Variants in GLIS1 observed in about 807,000 individuals in gnomAD.
The protein encoded by GLIS1 is GLIS family zinc finger 1.
GLIS1 carries 24 observed loss-of-function variants against 63.8 expected under a neutral mutation model. The observed-to-expected ratio is 0.38, with a 90% CI of 0.27 to 0.53. The LOEUF (loss-of-function observed/expected upper bound fraction) is 0.53, where lower values mean the gene tolerates loss of function less well. GLIS1 is among the 20% of genes least tolerant of loss of function. GLIS1 has a pLI of 0.85. For missense variants in GLIS1, 1,036 were observed against 1,074.1 expected, an observed-to-expected ratio of 0.96 and a Z score of 0.50; for synonymous variants, 450 against 482.5, an observed-to-expected ratio of 0.93 and a Z score of 0.88.
At chr1:53,656,575 T>C (rs1215838010) in intron 2 of GLIS1, among the ~76,000 whole-genome samples, 1 of 152,110 alleles carries the variant, frequency 6.6e-6, no homozygotes, top group Admixed American at 6.5e-5. Context: ...GAAGAACACA[T>C]CTTATAGACT....
rs142148969 is a variant in GLIS1 at position 53,635,364 on chromosome 1, G to A, written c.260-35086C>T. Among the ~76,000 whole-genome samples the A allele has an allele frequency of 2.6e-3, 395 of 151,786 alleles. 3 individuals carry two copies. The highest frequency in any genetic ancestry group is 9.0e-3 in the African/African-American group (372 of 41,382). On this transcript the variant is annotated intron_variant, in intron 2 of 10. Coordinates refer to ENST00000628545, the MANE Select transcript of GLIS1 (RefSeq NM_001367484.1). ...AAATTAAGAAACATGGCCTACAACCGGAATCAAAAACATAACGGAAATTTA... is the reference window on the plus strand; with the variant it reads ...AAATTAAGAAACATGGCCTACAACCAGAATCAAAAACATAACGGAAATTTA...
At chr1:53,733,192 G>C (rs1332795250) in intron 2 of GLIS1, among the ~76,000 whole-genome samples, 6 of 152,142 alleles carry the variant, frequency 3.9e-5, no homozygotes, top group Admixed American at 2.0e-4. Context: ...CCTGTAATGG[G>C]ATTTTAACGC....
intron 6 of GLIS1, among the ~76,000 whole-genome samples, chr1:53,524,033 C>T (rs1254234388): frequency 1.3e-5 from 2 of 152,238 alleles, no homozygotes; most frequent in Non-Finnish European, 2.9e-5. Context: ...TGAACACATA[C>T]ACCAATTTCT....
chr1:53,561,871 C>T (rs976539483), intron 4 of GLIS1, among the ~76,000 whole-genome samples: 4 of 152,224 alleles, frequency 2.6e-5, no homozygotes, highest in African/African-American at 9.6e-5. Context: ...CCCCTCACCA[C>T]GCACCTAGAG....
intron 2 of GLIS1, among the ~76,000 whole-genome samples, chr1:53,640,977 G>A (rs914582938): frequency 5.3e-5 from 8 of 152,130 alleles, no homozygotes; most frequent in East Asian, 1.9e-4. Flanking sequence ...GAACAGAACC[G>A]GGGACTTCAA....
chr1:53,663,764 G>C (rs1188427977), intron 2 of GLIS1, among the ~76,000 whole-genome samples: 1 of 152,180 alleles, frequency 6.6e-6, no homozygotes, highest in East Asian at 1.9e-4. Context: ...TCTCTCTCGG[G>C]GTCAGGACAA....
chr1:53,548,121 C>T lies in GLIS1; in HGVS notation c.1321-18169G>A, dbSNP rs533781744. Among the ~76,000 whole-genome samples, 180 of 152,344 alleles carry T rather than the reference C, an allele frequency of 1.2e-3. 2 individuals carry two copies. The highest frequency in any genetic ancestry group is 4.2e-3 in the African/African-American group (176 of 41,584). Reference sequence around the variant, plus strand: ...TCTGCTGAGTGCAGGCTGAATGTCTCCCCTCCAGCTGCCGCACTCCATGGG... The same window carrying T: ...TCTGCTGAGTGCAGGCTGAATGTCTTCCCTCCAGCTGCCGCACTCCATGGG... On this transcript the variant is annotated intron_variant, in intron 4 of 10. Transcript: ENST00000628545.
At position 53,594,998 on chromosome 1, in the gene GLIS1, A is replaced by C; in HGVS notation, c.438-8T>G. On this transcript the variant is annotated splice_polypyrimidine_tract_variant and splice_region_variant and intron_variant, in intron 3 of 10. Coordinates refer to ENST00000628545, the MANE Select transcript of GLIS1 (RefSeq NM_001367484.1). Reference sequence around the variant, plus strand: ...GCCTGGGGTCTAGGTGACCTGGAAGACAGTGCCCAGAGAGGTCATGAGAGG... The same window carrying C: ...GCCTGGGGTCTAGGTGACCTGGAAGCCAGTGCCCAGAGAGGTCATGAGAGG... The C allele has an allele frequency of 4.2e-6, 6 of 1,420,802 alleles. No individual in the cohort carries two copies. Among genetic ancestry groups the C allele is most frequent in the Non-Finnish European group, 5.5e-6 (6 of 1,092,588 alleles). The allele number at this position is 1,420,802 out of a possible 1,614,324, so 88.0% of individuals were successfully genotyped here.
At chr1:53,668,448 G>T (rs1293901086) in intron 2 of GLIS1, among the ~76,000 whole-genome samples, 2 of 152,164 alleles carry the variant, frequency 1.3e-5, no homozygotes, top group Non-Finnish European at 2.9e-5. Flanking sequence ...TGCAACTGCT[G>T]CCCCCTGGGT....
At chr1:53,554,924 G>C (rs1203999971) in intron 4 of GLIS1, among the ~76,000 whole-genome samples, 3 of 152,198 alleles carry the variant, frequency 2.0e-5, no homozygotes, top group African/African-American at 7.2e-5. Context: ...CTGGGGCACA[G>C]AAAGGAAAGG....
At chr1:53,607,351 G>A (rs935408841) in intron 2 of GLIS1, among the ~76,000 whole-genome samples, 7 of 152,150 alleles carry the variant, frequency 4.6e-5, no homozygotes, top group Non-Finnish European at 8.8e-5. Context: ...GTTCACTGCT[G>A]TCTTGACCTC....
At chr1:53,553,733 C>G (rs1644786317) in intron 4 of GLIS1, among the ~76,000 whole-genome samples, 1 of 137,424 alleles carries the variant, frequency 7.3e-6, no homozygotes, top group Non-Finnish European at 1.6e-5. Flanking sequence ...GGATTCTCAT[C>G]CTTCTCAGGA....
chr1:53,594,058 T>C, intron 4 of GLIS1, 50 bp downstream of exon 4: 1 of 1,558,336 alleles, frequency 6.4e-7, no homozygotes, highest in Non-Finnish European at 8.7e-7. Flanking sequence ...GGGTGAGTGC[T>C]GCTCTGCCAG....
chr1:53,655,234 C>T (rs1458208413), intron 2 of GLIS1, among the ~76,000 whole-genome samples: 1 of 152,206 alleles, frequency 6.6e-6, no homozygotes, highest in Non-Finnish European at 1.5e-5. Context: ...TGTAACCCCC[C>T]AGAGGGTGAG....
chr1:53,543,600 TGACTACAAACAAAG>T (rs1471255129), intron 4 of GLIS1, among the ~76,000 whole-genome samples: 1 of 152,118 alleles, frequency 6.6e-6, no homozygotes. Flanking sequence ...GGGGAAGAAA[TGACTACAAACAAAG>T]GACTAAATGT....
At chr1:53,704,984 G>C (rs1048487814) in intron 2 of GLIS1, among the ~76,000 whole-genome samples, 1 of 152,230 alleles carries the variant, frequency 6.6e-6, no homozygotes, top group African/African-American at 2.4e-5. Flanking sequence ...AGTGAGGCCA[G>C]GGGAGGAGAC....
rs967063920 is a variant in GLIS1, at chr1:53,632,808, TGAGA to T, written c.260-32534_260-32531del. ...AGTGTGACTGAGGAGAAAGGGGGAG[TGAGA>T]GAGGTGTATGAATGAGTGTGACTAA... On this transcript the variant is annotated intron_variant, in intron 2 of 10. Coordinates refer to ENST00000628545, the MANE Select transcript of GLIS1 (RefSeq NM_001367484.1). Among the ~76,000 whole-genome samples, 13 of 123,620 alleles carry T rather than the reference TGAGA, an allele frequency of 1.1e-4. No homozygotes were observed. The Admixed American group carries it at 1.1e-3, about 11-fold the overall frequency. The allele number at this position is 123,620 out of a possible 152,430, so 81.1% of individuals were successfully genotyped here.
intron 4 of GLIS1, among the ~76,000 whole-genome samples, chr1:53,582,134 T>A (rs1287537177): frequency 1.3e-5 from 2 of 152,118 alleles, no homozygotes; most frequent in African/African-American, 2.4e-5. Flanking sequence ...TCCAACTTCA[T>A]CTAATCCAAG....
rs1645763429 is a variant in GLIS1, at chr1:53,639,530, G to T, written c.260-39252C>A. Among the ~76,000 whole-genome samples, 1 of 152,080 alleles carries T rather than the reference G, an allele frequency of 6.6e-6. No individual in the cohort carries two copies. Among genetic ancestry groups the T allele is most frequent in the Non-Finnish European group, 1.5e-5 (1 of 68,022 alleles). The stretch of plus-strand genomic sequence containing the variant: ...GGTTGGAACCCTGGCCCTTTTCTGT[G>T]GTTGCAGCGAAACCAGACTCTCAGG... On this transcript the variant is annotated intron_variant, in intron 2 of 10. Transcript: ENST00000628545. This position sits in a 1 kb window ranked among gnomAD's most constrained non-coding sequence, Gnocchi z 4.6.
Sources: allele counts gnomAD v4.1 joint callset (sites outside exome capture counted in the v4.1 genomes callset), GRCh38; gene constraint gnomAD v4.1.1; non-coding constraint Gnocchi (gnomAD v3.1); transcripts MANE v1.5; gene names NCBI Gene and HGNC (gene_info 2026-07-23, HGNC 2026-07-21).